Variants in KALRN observed in about 807,000 individuals in gnomAD.
KALRN encodes kalirin RhoGEF kinase, also known as kalirin.
KALRN carries 70 observed loss-of-function variants against 353.7 expected under a neutral mutation model. That is an observed-to-expected ratio of 0.20 (90% CI 0.16 to 0.24). KALRN has a LOEUF of 0.24. Ranked by LOEUF, KALRN falls within the 10% of genes least tolerant of loss-of-function variation. The probability of loss-of-function intolerance (pLI) is 1.00; values close to 1 mark genes in which losing one functional copy is unlikely to be tolerated. For synonymous variants in KALRN, 1,391 were observed against 1,434.8 expected (o/e 0.97, Z 0.69); for missense variants, 2,791 against 3,756.7 (o/e 0.74, Z 6.72).
At chr3:124,616,562 T>C (rs1356533932) in intron 34 of KALRN, among the ~76,000 whole-genome samples, 1 of 152,198 alleles carries the variant, frequency 6.6e-6, no homozygotes, top group Non-Finnish European at 1.5e-5. Flanking sequence ...CTATGTTCCC[T>C]CTGGGGTCAT....
intron 3 of KALRN, among the ~76,000 whole-genome samples, chr3:124,240,594 AC>A (rs1267817187): frequency 1.3e-5 from 2 of 151,976 alleles, no homozygotes; most frequent in Non-Finnish European, 2.9e-5. Context: ...TGGTACCTTG[AC>A]CCCACTCTCT....
At chr3:124,202,576 G>A (rs979617652) in intron 1 of KALRN, among the ~76,000 whole-genome samples, 6 of 151,886 alleles carry the variant, frequency 4.0e-5, no homozygotes, top group African/African-American at 1.5e-4. Context: ...TGAGAAGTCG[G>A]GTAACCTAAT....
intron 57 of KALRN, among the ~76,000 whole-genome samples, chr3:124,706,200 C>A (rs1290695126): frequency 6.6e-6 from 1 of 152,200 alleles, no homozygotes; most frequent in African/African-American, 2.4e-5. Context: ...ATCCACCGTG[C>A]CTGGCCTGGA....
At chr3:124,647,557 TC>T (rs1194490019) in intron 37 of KALRN, among the ~76,000 whole-genome samples, 1 of 152,156 alleles carries the variant, frequency 6.6e-6, no homozygotes, top group Non-Finnish European at 1.5e-5. Context: ...TCCTTCTCCA[TC>T]CCACCATAGA....
chr3:124,056,168 T>C (rs958569881), intron 1 of KALRN, among the ~76,000 whole-genome samples: 1 of 152,246 alleles, frequency 6.6e-6, no homozygotes, highest in African/African-American at 2.4e-5. Flanking sequence ...GCCCCTTGCC[T>C]TGCAGGTCTT....
intron 16 of KALRN, among the ~76,000 whole-genome samples, chr3:124,432,472 C>T (rs565446113): frequency 1.4e-4 from 21 of 152,170 alleles, no homozygotes; most frequent in African/African-American, 2.4e-4. Context: ...TAAGCAGCAA[C>T]GAAGAAAATG....
chr3:124,287,955 C>A (rs533998303), intron 5 of KALRN, among the ~76,000 whole-genome samples: 1 of 148,814 alleles, frequency 6.7e-6, no homozygotes, highest in East Asian at 2.0e-4. Flanking sequence ...CACACTGCAA[C>A]CTCCACCTCC....
At chr3:124,157,903 G>T (rs1281670649) in intron 1 of KALRN, among the ~76,000 whole-genome samples, 1 of 152,146 alleles carries the variant, frequency 6.6e-6, no homozygotes, top group Non-Finnish European at 1.5e-5. Context: ...CCTGAGTCCT[G>T]TTGCTCCAGG....
intron 1 of KALRN, among the ~76,000 whole-genome samples, chr3:124,215,093 ACTGCTGGCAG>A (rs1003373918): frequency 9.3e-4 from 141 of 152,312 alleles, no homozygotes; most frequent in African/African-American, 3.1e-3. Context: ...AGGCCTGCCA[ACTGCTGGCAG>A]CTGCTGGCAG....
intron 6 of KALRN, among the ~76,000 whole-genome samples, chr3:124,321,548 C>A (rs1310442569): frequency 3.9e-5 from 6 of 152,204 alleles, no homozygotes; most frequent in Non-Finnish European, 8.8e-5. Flanking sequence ...CCAAGCAGTT[C>A]TTTCAGGACA....
In KALRN at chr3:124,266,577, G is replaced by T. The variant is rs554074446; in HGVS notation, c.456+1887G>T. Among the ~76,000 whole-genome samples, 4 of 152,254 alleles carry T rather than the reference G, an allele frequency of 2.6e-5. No individual in the cohort carries two copies. The East Asian group carries it at 7.7e-4, about 29-fold the overall frequency. On this transcript the variant is annotated intron_variant, in intron 4 of 59. Transcript: ENST00000682506. The stretch of plus-strand genomic sequence containing the variant: ...GAATTCTAGTCCTCATCTGCAAGGG[G>T]ATGAACTTTTAAATGTGTGTGTGTT...
chr3:124,499,135 C>T (rs1327217146), intron 33 of KALRN, among the ~76,000 whole-genome samples: 1 of 152,112 alleles, frequency 6.6e-6, no homozygotes, highest in African/African-American at 2.4e-5. Context: ...GTAATAGTTT[C>T]CCTGTCTGGC....
chr3:124,571,779 A>G (rs750983570), intron 34 of KALRN, among the ~76,000 whole-genome samples: 3 of 151,276 alleles, frequency 2.0e-5, no homozygotes, highest in Non-Finnish European at 4.4e-5. Context: ...GGTGCTTGCC[A>G]CCATCCCTAG....
chr3:124,618,008 C>A (rs559597650), intron 34 of KALRN, among the ~76,000 whole-genome samples: 26 of 146,978 alleles, frequency 1.8e-4, no homozygotes, highest in Non-Finnish European at 3.7e-4. Flanking sequence ...CAGTCTGGAG[C>A]TGTTATGTAG....
chr3:124,402,327 T>C (rs1413694142), intron 13 of KALRN, among the ~76,000 whole-genome samples: 1 of 152,250 alleles, frequency 6.6e-6, no homozygotes, highest in Non-Finnish European at 1.5e-5. Flanking sequence ...GCTGGATTCC[T>C]GGTATACCTT....
chr3:124,404,693 A>C (rs1429527932), intron 13 of KALRN, among the ~76,000 whole-genome samples: 1 of 150,748 alleles, frequency 6.6e-6, no homozygotes, highest in Non-Finnish European at 1.5e-5. Flanking sequence ...TGCCTGTGAA[A>C]ATAGATATAA....
In KALRN at chr3:124,449,025, C is replaced by A. The variant is rs922704674; in HGVS notation, c.3552+2140C>A. Among the ~76,000 whole-genome samples, 4 of 152,182 alleles carry A rather than the reference C, an allele frequency of 2.6e-5. No homozygotes were observed. The South Asian group carries it at 8.3e-4, about 32-fold the overall frequency. On this transcript the variant is annotated intron_variant, in intron 21 of 59. Transcript: ENST00000682506. The stretch of plus-strand genomic sequence containing the variant: ...CTCATGGTTATTCATATTAGAATAT[C>A]TACAGGATAACAAACCCAGTTGAGG...
At chr3:124,153,613 A>C (rs924769664) in intron 1 of KALRN, among the ~76,000 whole-genome samples, 6 of 151,372 alleles carry the variant, frequency 4.0e-5, no homozygotes, top group African/African-American at 1.5e-4. Context: ...CATGATTTAT[A>C]ATCCTTTGGG....
intron 1 of KALRN, among the ~76,000 whole-genome samples, chr3:124,159,901 C>T (rs1227122635): frequency 6.6e-6 from 1 of 151,798 alleles, no homozygotes; most frequent in Non-Finnish European, 1.5e-5. Context: ...GCAGGATTCT[C>T]AGAAGGGTTT....
Sources: gnomAD v4.1 joint callset for allele counts (sites outside exome capture counted in the v4.1 genomes callset) on GRCh38, gnomAD v4.1.1 for gene constraint, MANE v1.5 for transcripts, NCBI Gene and HGNC (gene_info 2026-07-23, HGNC 2026-07-21) for gene names.